BBX: variants seen among roughly 807,000 people sequenced by gnomAD.
The protein encoded by BBX is BBX high mobility group box domain containing.
BBX carries 30 observed loss-of-function variants against 100.2 expected under a neutral mutation model. The ratio of observed to expected loss-of-function variants is 0.30; its 90% confidence interval spans 0.22 to 0.41. BBX has a LOEUF of 0.41. Among genes scored for constraint, BBX ranks in the 10% least tolerant of loss-of-function variants. BBX has a pLI of 1.00. For synonymous variants in BBX, 376 were observed against 388.1 expected, an observed-to-expected ratio of 0.97 and a Z score of 0.37; for missense variants, 1,023 against 1,129.8, an observed-to-expected ratio of 0.91 and a Z score of 1.35.
intron 3 of BBX, chr3:107,677,592 C>T (rs927138631): frequency 1.3e-5 from 2 of 152,128 alleles, no homozygotes; most frequent in Non-Finnish European, 2.9e-5. Context: ...TGGGCAAAAT[C>T]ATCTAACAGA....
At chr3:107,528,730 A>T (rs1461333806) in intron 2 of BBX, among the ~76,000 whole-genome samples, 1 of 152,228 alleles carries the variant, frequency 6.6e-6, no homozygotes, top group Non-Finnish European at 1.5e-5. Flanking sequence ...TACGTAGTTG[A>T]TAAGTTTTCT....
chr3:107,791,230 T>C lies in BBX; in HGVS notation c.2294-10T>C, dbSNP rs779757042. On this transcript the variant is annotated splice_polypyrimidine_tract_variant and intron_variant, in intron 14 of 17. Transcript: ENST00000325805. ...TTCACTTTTCTTTCCTTTTCTGTCA[T>C]TGTTTTTAGGAAGTGGGGATAAATG... 9.9e-6 allele frequency: 16 copies of C among 1,610,950 alleles called. No individual in the cohort carries two copies. The African/African-American group carries it at 1.1e-4, about 11-fold the overall frequency.
chr3:107,661,778 C>G lies in BBX; in HGVS notation c.-10+15869C>G, dbSNP rs1017256551. ...CTCTGTTTATTTCCATGTTTCCTCT[C>G]TCTGTGTTTCTCCTGACTGTCTCTG... is the stretch of plus-strand genomic sequence containing the variant. On this transcript the variant is annotated intron_variant, in intron 3 of 17. Transcript: ENST00000325805. 6.4e-5 allele frequency: 41 copies of G among 636,318 alleles called. No individual in the cohort carries two copies. The African/African-American group carries it at 7.4e-4, about 11-fold the overall frequency. The allele number at this position is 636,318 out of a possible 1,614,324, so 39.4% of individuals were successfully genotyped here.
At chr3:107,555,542 C>T (rs1042186739) in intron 2 of BBX, among the ~76,000 whole-genome samples, 3 of 152,106 alleles carry the variant, frequency 2.0e-5, no homozygotes, top group Non-Finnish European at 4.4e-5. Context: ...AAAGCAGAAC[C>T]GGAACCAAAA....
At chr3:107,761,721 A>G (rs1248433815) in intron 10 of BBX, among the ~76,000 whole-genome samples, 1 of 152,148 alleles carries the variant, frequency 6.6e-6, no homozygotes, top group Non-Finnish European at 1.5e-5. Context: ...GAGAAATTCA[A>G]TAATAGAAGA....
chr3:107,567,653 GAT>G (rs2051022020), intron 2 of BBX, among the ~76,000 whole-genome samples: 1 of 152,090 alleles, frequency 6.6e-6, no homozygotes. Context: ...ATCTTTTACG[GAT>G]ATGGACATAG....
intron 10 of BBX, 96 bp downstream of exon 10, chr3:107,755,774 G>A: frequency 5.8e-6 from 6 of 1,038,528 alleles, no homozygotes; most frequent in Non-Finnish European, 8.6e-6. Flanking sequence ...TCTCTCCTGT[G>A]ACCATAAAAT....
intron 2 of BBX, among the ~76,000 whole-genome samples, chr3:107,547,458 T>C (rs1469253495): frequency 6.6e-6 from 1 of 152,126 alleles, no homozygotes; most frequent in African/African-American, 2.4e-5. Flanking sequence ...AATGTAAGGC[T>C]GAATTTTGAA....
intron 17 of BBX, 33 bp downstream of exon 17, chr3:107,801,314 A>G (rs368100076): frequency 5.0e-6 from 8 of 1,599,942 alleles, no homozygotes; most frequent in Non-Finnish European, 6.8e-6. Context: ...AGAAAGCAAC[A>G]TGGAAACCAG....
intron 2 of BBX, among the ~76,000 whole-genome samples, chr3:107,545,278 T>A (rs1215741548): frequency 6.6e-6 from 1 of 152,216 alleles, no homozygotes; most frequent in East Asian, 1.9e-4. Context: ...ATCTATCCCC[T>A]TTATCCATCA....
intron 15 of BBX, among the ~76,000 whole-genome samples, chr3:107,791,661 AG>A (rs1366139330): frequency 6.6e-6 from 1 of 152,180 alleles, no homozygotes; most frequent in East Asian, 1.9e-4. Flanking sequence ...GGGCATGGGC[AG>A]GCCTGCAGGA....
chr3:107,586,754 C>CTT (rs34606832), intron 2 of BBX, among the ~76,000 whole-genome samples: 1 of 145,588 alleles, frequency 6.9e-6, no homozygotes, highest in Non-Finnish European at 1.5e-5. Flanking sequence ...TGATTCCACA[C>CTT]TTTTTTTTTT....
chr3:107,766,426 A>C (rs1400475155), intron 10 of BBX, among the ~76,000 whole-genome samples: 5 of 152,214 alleles, frequency 3.3e-5, no homozygotes, highest in Non-Finnish European at 7.3e-5. Context: ...GACTATTTTT[A>C]ACTGTTTAGA....
At chr3:107,698,338 AATG>A (rs2060804116) in intron 3 of BBX, among the ~76,000 whole-genome samples, 1 of 151,614 alleles carries the variant, frequency 6.6e-6, no homozygotes, top group African/African-American at 2.4e-5. Flanking sequence ...TTTTAAAAAA[AATG>A]TATGATTGCT....
At chr3:107,785,907 A>G (rs1472865403) in intron 13 of BBX, among the ~76,000 whole-genome samples, 1 of 152,056 alleles carries the variant, frequency 6.6e-6, no homozygotes, top group Non-Finnish European at 1.5e-5. Context: ...CTCAGATAAC[A>G]TGACCTTGTA....
chr3:107,530,533 C>T (rs932097968), intron 2 of BBX, among the ~76,000 whole-genome samples: 2 of 152,046 alleles, frequency 1.3e-5, no homozygotes, highest in African/African-American at 4.8e-5. Flanking sequence ...ACATGGTCCT[C>T]GGATGAAAAG....
At chr3:107,585,612 A>G (rs561904162) in intron 2 of BBX, among the ~76,000 whole-genome samples, 4 of 152,248 alleles carry the variant, frequency 2.6e-5, no homozygotes, top group Non-Finnish European at 5.9e-5. Context: ...CAAAAATACT[A>G]TCCTATTTCT....
In BBX at chr3:107,526,194, A is replaced by G. The variant is rs1301497974; in HGVS notation, c.-155-133A>G. 1.0e-5 allele frequency: 4 copies of G among 396,378 alleles called. No individual in the cohort carries two copies. In the East Asian group the frequency reaches 1.1e-4, roughly 11 times the overall value. The allele number at this position is 396,378 out of a possible 1,614,324, so 24.6% of individuals were successfully genotyped here. On this transcript the variant is annotated intron_variant, in intron 1 of 17. Coordinates refer to ENST00000325805, the MANE Select transcript of BBX (RefSeq NM_001142568.3). ...TCTCCAGTGTCGGGGGGTGGTAGAG[A>G]AAGGGGAGGGGTTAGTGGGAGCTGG...
rs1282045214 is a variant in BBX, at chr3:107,540,769, C to T, written c.-84+14371C>T. ...GCTGCTATCCTGTTCCTTCTTCCCT[C>T]ATCACTAAAGTTGGGATATGTCCTG... is the stretch of plus-strand genomic sequence containing the variant. On this transcript the variant is annotated intron_variant, in intron 2 of 17. Coordinates refer to ENST00000325805, the MANE Select transcript of BBX (RefSeq NM_001142568.3). Among the ~76,000 whole-genome samples the T allele has an allele frequency of 3.9e-5, 6 of 152,278 alleles. No homozygotes were observed. The South Asian group carries it at 1.0e-3, about 26-fold the overall frequency.
Sources: allele counts gnomAD v4.1 joint callset (sites outside exome capture counted in the v4.1 genomes callset), GRCh38; gene constraint gnomAD v4.1.1; transcripts MANE v1.5; gene names NCBI Gene and HGNC (gene_info 2026-07-23, HGNC 2026-07-21).